The following TLE1 variants were observed in gnomAD, a reference collection of about 807,000 sequenced individuals.
TLE1 encodes the protein transducin-like enhancer protein 1.
A neutral mutation model predicts 89.8 loss-of-function variants in TLE1; 21 were observed. The observed-to-expected ratio is 0.23, with a 90% CI of 0.17 to 0.34. The LOEUF is 0.34. TLE1 is among the 10% of genes least tolerant of loss of function. TLE1 has a pLI of 1.00. For synonymous variants in TLE1, 447 were observed against 407.6 expected, an observed-to-expected ratio of 1.10 and a Z score of -1.16; for missense variants, 795 against 1,031.2, an observed-to-expected ratio of 0.77 and a Z score of 3.14.
intron 6 of TLE1, among the ~76,000 whole-genome samples, chr9:81,648,360 A>AG (rs1170314851): frequency 1.1e-4 from 17 of 151,598 alleles, no homozygotes; most frequent in Non-Finnish European, 1.9e-4. Flanking sequence ...TTTCTTTAGG[A>AG]GAAGGGGAAA....
Position 81,611,928 on chromosome 9 carries a change from G to A in TLE1, c.1095C>T (p.Pro365=), listed in dbSNP as rs139111374. The change falls in exon 13 of 20, where the codon CCC becomes CCT. Residue 365 remains proline (P), a synonymous_variant. Transcript: ENST00000376499. ...AAGLRTPLAV[P]GPYPAPFGMV... ...TCCCAAAAGGAGCAGGATATGGGCC[G>A]GGCACTGCCAGGGGTGTCCTCAAGC... 1.5e-5 allele frequency: 22 copies of A among 1,492,942 alleles called. No individual in the cohort carries two copies. The highest frequency in any genetic ancestry group is 1.8e-5 in the Non-Finnish European group (20 of 1,123,756). The allele number at this position is 1,492,942 out of a possible 1,614,324, so 92.5% of individuals were successfully genotyped here.
intron 6 of TLE1, among the ~76,000 whole-genome samples, chr9:81,638,358 T>C (rs1456360971): frequency 1.3e-5 from 2 of 152,168 alleles, no homozygotes; most frequent in Non-Finnish European, 2.9e-5. Flanking sequence ...CAAAGTGTCA[T>C]TTCTAAGATA....
intron 8 of TLE1, chr9:81,620,851 T>C: frequency 1.1e-6 from 1 of 876,444 alleles, no homozygotes; most frequent in Non-Finnish European, 1.7e-6. Context: ...TGCTGTGTTG[T>C]ATGTGGATGT....
rs1282409519 is a variant in TLE1 at position 81,590,892 on chromosome 9, G to T, written c.1742C>A (p.Ala581Asp). The T allele has an allele frequency of 6.2e-7, 1 of 1,614,148 alleles. No individual in the cohort carries two copies. The highest frequency in any genetic ancestry group is 8.5e-7 in the Non-Finnish European group (1 of 1,180,056). Reference sequence around the variant, plus strand: ...GCAGACCTTGGAATCGGGGCTGATGGCCAGGGCGTAGCAGGCGGGGGCCGA... The same window carrying T: ...GCAGACCTTGGAATCGGGGCTGATGTCCAGGGCGTAGCAGGCGGGGGCCGA... The part of the protein sequence containing the change: ...TSSAPACYAL[A>D]ISPDSKVCFS... The change falls in exon 16 of 20, where the codon GCC becomes GAC. Residue 581 changes from alanine to aspartate, a missense_variant. Ala to Asp is a moderately radical substitution (Grantham distance 126). Transcript: ENST00000376499.
chr9:81,657,344 A>AG (rs1407044826), intron 4 of TLE1, among the ~76,000 whole-genome samples: 1 of 152,300 alleles, frequency 6.6e-6, no homozygotes, highest in East Asian at 1.9e-4. Flanking sequence ...CCTGGCCTTT[A>AG]GGTAAAGATT....
intron 6 of TLE1, among the ~76,000 whole-genome samples, chr9:81,641,231 A>AAATAAAG (rs10682343): frequency 1.3e-5 from 2 of 151,770 alleles, no homozygotes; most frequent in African/African-American, 4.8e-5. Flanking sequence ...AAATAAAAAT[A>AAATAAAG]AAGAAGAAAA....
rs377090742 is a variant in TLE1 at position 81,685,776 on chromosome 9, C to T, written c.190-56G>A. ...ATTAACTCATGTTTTTTACACTCTG[C>T]TAACACGTTTGCTAATATCATATGA... On this transcript the variant is annotated intron_variant, in intron 3 of 19. Transcript: ENST00000376499. 25 of 1,612,110 alleles carry T rather than the reference C, an allele frequency of 1.6e-5. No individual in the cohort carries two copies. In the African/African-American group the frequency reaches 3.3e-4, roughly 22 times the overall value.
At chr9:81,595,470 C>T (rs923656573) in intron 14 of TLE1, among the ~76,000 whole-genome samples, 1 of 152,038 alleles carries the variant, frequency 6.6e-6, no homozygotes, top group African/African-American at 2.4e-5. Flanking sequence ...GGTCCAAAAA[C>T]AACAAAAAAA....
intron 14 of TLE1, among the ~76,000 whole-genome samples, chr9:81,593,486 T>C (rs961705582): frequency 6.6e-6 from 1 of 152,184 alleles, no homozygotes; most frequent in Non-Finnish European, 1.5e-5. Flanking sequence ...CCAAATGACA[T>C]ATATATTGAA....
intron 4 of TLE1, among the ~76,000 whole-genome samples, chr9:81,660,978 C>CACACACACACA (rs140689682): frequency 0.046 from 5,596 of 121,690 alleles, 409 homozygotes; most frequent in Non-Finnish European, 0.058. Context: ...CACACACACA[C>CACACACACACA]ATTTAGCCTG....
intron 17 of TLE1, 126 bp from the exon 18 acceptor site, chr9:81,585,781 G>A (rs1463705863): frequency 8.3e-7 from 1 of 1,205,378 alleles, no homozygotes; most frequent in Non-Finnish European, 1.1e-6. Flanking sequence ...AGACTGTGGG[G>A]AGGTCCACAG....
intron 6 of TLE1, among the ~76,000 whole-genome samples, chr9:81,644,607 A>T (rs6559631): frequency 6.6e-6 from 1 of 152,074 alleles, no homozygotes; most frequent in African/African-American, 2.4e-5. Context: ...GTTTCTTTAC[A>T]GGGTGACAAA....
At chr9:81,632,212 ATTT>A (rs919296859) in intron 8 of TLE1, among the ~76,000 whole-genome samples, 6 of 152,084 alleles carry the variant, frequency 3.9e-5, no homozygotes, top group Non-Finnish European at 8.8e-5. Flanking sequence ...CCCAGCTATA[ATTT>A]TTTGTCCCCC....
At position 81,659,773 on chromosome 9, in the gene TLE1, G is replaced by A. The variant is rs142388849; in HGVS notation, c.235-5737C>T. ...TATGTTAAATCACTTAAACCACTGGGTCCCAACCAGGTCTCGTACTTAACA... is the reference window on the plus strand; with the variant it reads ...TATGTTAAATCACTTAAACCACTGGATCCCAACCAGGTCTCGTACTTAACA... On this transcript the variant is annotated intron_variant, in intron 4 of 19. Coordinates refer to ENST00000376499, the MANE Select transcript of TLE1 (RefSeq NM_005077.5). Among the ~76,000 whole-genome samples the A allele has an allele frequency of 5.3e-5, 8 of 152,180 alleles. No individual in the cohort carries two copies. In the East Asian group the frequency reaches 1.4e-3, roughly 26 times the overall value.
At chr9:81,650,798 T>C (rs780944717) in intron 6 of TLE1, among the ~76,000 whole-genome samples, 29 of 152,150 alleles carry the variant, frequency 1.9e-4, no homozygotes, top group Non-Finnish European at 4.0e-4. Flanking sequence ...ATAAAGCAGC[T>C]TGAATAAAAT....
chr9:81,644,216 T>C lies in TLE1; in HGVS notation c.372+7998A>G, dbSNP rs185417445. Among the ~76,000 whole-genome samples, 3 of 152,254 alleles carry C rather than the reference T, an allele frequency of 2.0e-5. No individual in the cohort carries two copies. The East Asian group carries it at 5.8e-4, about 29-fold the overall frequency. ...AAAAAGTTACCATAGACCCAGTGAT[T>C]CTACTCCCAGAGACAAATCCAAGAG... On this transcript the variant is annotated intron_variant, in intron 6 of 19. Transcript: ENST00000376499.
chr9:81,654,973 A>T (rs1269347953), intron 4 of TLE1, among the ~76,000 whole-genome samples: 1 of 152,234 alleles, frequency 6.6e-6, no homozygotes, highest in African/African-American at 2.4e-5. Flanking sequence ...GTTTCGCCAC[A>T]GTTCAGTAAC....
chr9:81,625,977 A>C (rs945263574), intron 8 of TLE1, among the ~76,000 whole-genome samples: 1 of 151,160 alleles, frequency 6.6e-6, no homozygotes, highest in East Asian at 2.0e-4. Flanking sequence ...ATCAAACACT[A>C]GTTACAGAGG....
At chr9:81,613,758 G>A (rs375842115) in intron 11 of TLE1, among the ~76,000 whole-genome samples, 43 of 152,106 alleles carry the variant, frequency 2.8e-4, no homozygotes, top group South Asian at 6.2e-4. Context: ...TTCTTCCTCC[G>A]CAGATTTTAT....
Sources: gnomAD v4.1 joint callset for allele counts (sites outside exome capture counted in the v4.1 genomes callset) on GRCh38, gnomAD v4.1.1 for gene constraint, MANE v1.5 for transcripts, NCBI Gene and HGNC (gene_info 2026-07-23, HGNC 2026-07-21) for gene names.